EPB41L2: variants seen among roughly 807,000 people sequenced by gnomAD.
The protein encoded by EPB41L2 is band 4.1-like protein 2.
EPB41L2 carries 43 observed loss-of-function variants against 113.0 expected under a neutral mutation model. That is an observed-to-expected ratio of 0.38 (90% CI 0.30 to 0.49). The LOEUF (loss-of-function observed/expected upper bound fraction) is 0.49. EPB41L2 is among the 20% of genes least tolerant of loss of function. The probability of loss-of-function intolerance (pLI) is 0.95; values close to 1 mark genes in which losing one functional copy is unlikely to be tolerated. For synonymous variants in EPB41L2, 442 were observed against 436.7 expected (o/e 1.01, Z -0.15); for missense variants, 1,147 against 1,223.4 (o/e 0.94, Z 0.93).
chr6:130,965,936 G>T (rs762586539), intron 1 of EPB41L2, among the ~76,000 whole-genome samples: 9 of 152,086 alleles, frequency 5.9e-5, no homozygotes, highest in Non-Finnish European at 1.2e-4. Flanking sequence ...TAATGCAGGG[G>T]TGTCCAATCT....
chr6:130,930,421 T>G (rs1026385845), intron 3 of EPB41L2, among the ~76,000 whole-genome samples: 3 of 152,164 alleles, frequency 2.0e-5, no homozygotes, highest in African/African-American at 7.2e-5. Flanking sequence ...AAAATGCTCA[T>G]TGGAGCATTT....
chr6:130,855,662 A>G (rs1266550710), intron 19 of EPB41L2, among the ~76,000 whole-genome samples: 2 of 152,220 alleles, frequency 1.3e-5, no homozygotes, highest in Admixed American at 6.5e-5. Context: ...AATGAAAGAC[A>G]TTAAAGAAGA....
intron 10 of EPB41L2, 130 bp from the exon 11 acceptor site, chr6:130,890,596 T>TA: frequency 9.3e-7 from 1 of 1,069,592 alleles, no homozygotes; most frequent in Non-Finnish European, 1.3e-6. Flanking sequence ...ACTCAAAAAC[T>TA]AAACTTTCTA....
chr6:130,897,599 G>A (rs1035174071), intron 8 of EPB41L2, among the ~76,000 whole-genome samples: 8 of 152,198 alleles, frequency 5.3e-5, no homozygotes, highest in African/African-American at 1.9e-4. Context: ...TTTGCATGTG[G>A]TAAGAATGGC....
chr6:130,973,374 T>C (rs1446766323), intron 1 of EPB41L2, among the ~76,000 whole-genome samples: 1 of 152,260 alleles, frequency 6.6e-6, no homozygotes, highest in Admixed American at 6.5e-5. Context: ...AGTTTTTTAG[T>C]AGAGCCAATT....
intron 19 of EPB41L2, among the ~76,000 whole-genome samples, chr6:130,853,793 G>A (rs957227819): frequency 2.0e-5 from 3 of 152,190 alleles, no homozygotes; most frequent in Non-Finnish European, 2.9e-5. Context: ...AAAGGGAGAC[G>A]GAGCAGATAC....
rs904301925 is a variant in EPB41L2 at position 130,867,495 on chromosome 6, T to A, written c.2694A>T (p.Gln898His). 1.9e-6 allele frequency: 3 copies of A among 1,614,022 alleles called. No individual in the cohort carries two copies. Among genetic ancestry groups the A allele is most frequent in the East Asian group, 4.5e-5 (2 of 44,854 alleles). ...CATATGTGATGGTTTTGGTCTCAGTTTGGACAATGGGGACTTCCTTGGTGG... is the reference window on the plus strand; with the variant it reads ...CATATGTGATGGTTTTGGTCTCAGTATGGACAATGGGGACTTCCTTGGTGG... ...EISTKEVPIV[Q>H]TETKTITYES... The change falls in exon 16 of 20, where the codon CAA becomes CAT. Residue 898 changes from glutamine to histidine, a missense_variant. Coordinates refer to ENST00000337057, the MANE Select transcript of EPB41L2 (RefSeq NM_001431.4).
intron 6 of EPB41L2, among the ~76,000 whole-genome samples, chr6:130,903,784 C>T (rs1796959037): frequency 6.6e-6 from 1 of 152,162 alleles, no homozygotes; most frequent in African/African-American, 2.4e-5. Flanking sequence ...TTGATTGATT[C>T]ACAATGTTTC....
intron 1 of EPB41L2, among the ~76,000 whole-genome samples, chr6:130,958,468 C>CAAAAAAAA (rs200548809): frequency 2.0e-4 from 23 of 113,786 alleles, no homozygotes; most frequent in African/African-American, 4.0e-4. Context: ...ACAACAACAA[C>CAAAAAAAA]AAAAAAAAAA....
chr6:130,874,453 G>C (rs1786829115), intron 14 of EPB41L2, among the ~76,000 whole-genome samples: 1 of 151,870 alleles, frequency 6.6e-6, no homozygotes, highest in Admixed American at 6.5e-5. Flanking sequence ...ATACAACAAA[G>C]ACAGAAATTG....
intron 1 of EPB41L2, among the ~76,000 whole-genome samples, chr6:130,963,255 G>C (rs988913041): frequency 2.4e-4 from 37 of 152,196 alleles, no homozygotes; most frequent in African/African-American, 8.7e-4. Flanking sequence ...ATTCTGAGGA[G>C]AGCATTAGAA....
intron 5 of EPB41L2, 62 bp downstream of exon 5, chr6:130,908,759 T>C (rs1798461989): frequency 1.5e-6 from 2 of 1,314,932 alleles, no homozygotes; most frequent in Admixed American, 4.1e-5. Flanking sequence ...TTACTGATCA[T>C]TTATATCACA....
intron 1 of EPB41L2, among the ~76,000 whole-genome samples, chr6:131,047,337 A>G (rs560594417): frequency 6.6e-6 from 1 of 151,914 alleles, no homozygotes; most frequent in Non-Finnish European, 1.5e-5. Context: ...ACACAGCAAG[A>G]CCCCATCTCT....
intron 5 of EPB41L2, among the ~76,000 whole-genome samples, chr6:130,908,544 TA>T (rs1798387497): frequency 6.6e-6 from 1 of 152,160 alleles, no homozygotes. Flanking sequence ...TACAGAAAAG[TA>T]GTTTCTCTTT....
intron 1 of EPB41L2, among the ~76,000 whole-genome samples, chr6:130,972,962 A>AAAAAAAAAAAAAAAAAAAAAAAAC: frequency 7.1e-6 from 1 of 140,444 alleles, no homozygotes; most frequent in East Asian, 2.3e-4. Flanking sequence ...AAAAAAAAAA[A>AAAAAAAAAAAAAAAAAAAAAAAAC]ACAGCCGGGT....
intron 19 of EPB41L2, among the ~76,000 whole-genome samples, chr6:130,855,805 G>C (rs923113328): frequency 1.3e-5 from 2 of 151,202 alleles, no homozygotes; most frequent in African/African-American, 4.9e-5. Flanking sequence ...TTAGAACACA[G>C]CAATCTGATT....
At chr6:130,946,870 A>AG (rs753528698) in intron 3 of EPB41L2, among the ~76,000 whole-genome samples, 3 of 152,102 alleles carry the variant, frequency 2.0e-5, no homozygotes, top group Non-Finnish European at 4.4e-5. Context: ...AATGGTTTAA[A>AG]GGGGGTACTT....
At chr6:130,910,601 T>C (rs1296228235) in intron 4 of EPB41L2, among the ~76,000 whole-genome samples, 2 of 152,164 alleles carry the variant, frequency 1.3e-5, no homozygotes, top group East Asian at 1.9e-4. Context: ...ACCTACAGAA[T>C]GGGAGAAAAT....
intron 1 of EPB41L2, among the ~76,000 whole-genome samples, chr6:131,038,585 C>A (rs1324931660): frequency 6.6e-6 from 1 of 152,138 alleles, no homozygotes; most frequent in Non-Finnish European, 1.5e-5. Flanking sequence ...CCTCCTAACA[C>A]TGAAAAGGAA....
Sources: allele counts gnomAD v4.1 joint callset (sites outside exome capture counted in the v4.1 genomes callset), GRCh38; gene constraint gnomAD v4.1.1; transcripts MANE v1.5; gene names NCBI Gene and HGNC (gene_info 2026-07-23, HGNC 2026-07-21).